KATNAL1: variants seen among roughly 807,000 people sequenced by gnomAD.
KATNAL1 encodes the protein katanin p60 ATPase-containing subunit A-like 1.
KATNAL1 carries 32 observed loss-of-function variants against 55.2 expected under a neutral mutation model. That is an observed-to-expected ratio of 0.58 (90% CI 0.44 to 0.78). The LOEUF (loss-of-function observed/expected upper bound fraction) is 0.78. KATNAL1 is among the 30% of genes least tolerant of loss of function. The pLI is 0.00. For missense variants in KATNAL1, 466 were observed against 600.9 expected, an observed-to-expected ratio of 0.78 and a Z score of 2.35; for synonymous variants, 193 against 193.6, an observed-to-expected ratio of 1.00 and a Z score of 0.02.
chr13:30,209,813 G>A (rs1375083640), intron 10 of KATNAL1, among the ~76,000 whole-genome samples: 3 of 151,734 alleles, frequency 2.0e-5, no homozygotes, highest in African/African-American at 4.8e-5. Flanking sequence ...ACAGAGTCTC[G>A]CTCTGTTGCC....
intron 9 of KATNAL1, among the ~76,000 whole-genome samples, chr13:30,218,581 C>T (rs1874544277): frequency 6.6e-6 from 1 of 152,142 alleles, no homozygotes; most frequent in African/African-American, 2.4e-5. Flanking sequence ...ATTCCCCTCC[C>T]CTTGAATTGG....
chr13:30,300,549 C>G (rs1047054436), intron 1 of KATNAL1, among the ~76,000 whole-genome samples: 10 of 151,938 alleles, frequency 6.6e-5, no homozygotes, highest in Non-Finnish European at 1.5e-4. Context: ...TCCAAATCAC[C>G]GAAGTCCAGT....
intron 1 of KATNAL1, among the ~76,000 whole-genome samples, chr13:30,287,538 G>T (rs1223065607): frequency 2.0e-5 from 3 of 152,158 alleles, no homozygotes; most frequent in Non-Finnish European, 4.4e-5. Context: ...TTTCTTCATA[G>T]CAGCATGAGA....
chr13:30,231,316 T>C lies in KATNAL1; in HGVS notation c.883A>G (p.Met295Val). The C allele has an allele frequency of 6.2e-7, 1 of 1,604,920 alleles. No homozygotes were observed. The highest frequency in any genetic ancestry group is 8.5e-7 in the Non-Finnish European group (1 of 1,175,574). Residue 295 changes from methionine (M) to valine (V), a missense_variant and splice_region_variant, in exon 7 of 11, where the codon ATG becomes GTG. By Grantham distance (21) the Met-to-Val change is conservative. Coordinates refer to ENST00000380615, the MANE Select transcript of KATNAL1 (RefSeq NM_032116.5). ...SEKLVRLLFE[M>V]ARFYAPTTIF... ...AATCTGAATATATCGTCACTCACCATCTCAAACAACAGACGAACTAACTTC... is the reference window on the plus strand; with the variant it reads ...AATCTGAATATATCGTCACTCACCACCTCAAACAACAGACGAACTAACTTC...
intron 9 of KATNAL1, among the ~76,000 whole-genome samples, chr13:30,218,070 T>C (rs1458577376): frequency 2.0e-5 from 3 of 151,656 alleles, no homozygotes; most frequent in African/African-American, 2.4e-5. Flanking sequence ...GTACCACAGA[T>C]AACAACACAG....
chr13:30,299,568 C>A (rs766487709), intron 1 of KATNAL1, among the ~76,000 whole-genome samples: 1 of 152,046 alleles, frequency 6.6e-6, no homozygotes, highest in African/African-American at 2.4e-5. Flanking sequence ...TTTTTTAAAT[C>A]TCCTTTAATA....
intron 6 of KATNAL1, among the ~76,000 whole-genome samples, chr13:30,239,726 G>A (rs1313401964): frequency 8.3e-6 from 1 of 120,724 alleles, no homozygotes; most frequent in Non-Finnish European, 1.6e-5. Flanking sequence ...TCACTCTGTT[G>A]CCAGGCTGGA....
chr13:30,237,410 A>T (rs1876797106), intron 6 of KATNAL1, among the ~76,000 whole-genome samples: 1 of 152,188 alleles, frequency 6.6e-6, no homozygotes, highest in Admixed American at 6.5e-5. Flanking sequence ...TGGATAGATG[A>T]ACAGAGTCTC....
At chr13:30,282,455 T>C (rs1400454810) in intron 2 of KATNAL1, among the ~76,000 whole-genome samples, 3 of 151,806 alleles carry the variant, frequency 2.0e-5, no homozygotes, top group African/African-American at 4.8e-5. Context: ...CTGGGCAACA[T>C]AGCAAGACTC....
chr13:30,290,733 A>G (rs1026561255), intron 1 of KATNAL1, among the ~76,000 whole-genome samples: 2 of 152,184 alleles, frequency 1.3e-5, no homozygotes, highest in Admixed American at 1.3e-4. Flanking sequence ...TAAAATAGAT[A>G]ATGTATTATG....
At chr13:30,244,927 A>C (rs951313740) in intron 4 of KATNAL1, among the ~76,000 whole-genome samples, 2 of 152,146 alleles carry the variant, frequency 1.3e-5, no homozygotes, top group East Asian at 3.9e-4. Context: ...AACCAAAAAA[A>C]AGCCCAGGAC....
At chr13:30,230,630 T>C (rs1566094643) in intron 7 of KATNAL1, 36 bp from the exon 8 acceptor site, 4 of 1,500,284 alleles carry the variant, frequency 2.7e-6, no homozygotes, top group South Asian at 1.2e-5. Flanking sequence ...CATTCAATAA[T>C]CTCATAAAAC....
intron 3 of KATNAL1, among the ~76,000 whole-genome samples, chr13:30,274,882 C>T (rs1366688166): frequency 2.5e-4 from 32 of 129,834 alleles, no homozygotes; most frequent in African/African-American, 9.2e-4. Flanking sequence ...GGGGTGTGTG[C>T]ACACACATAC....
chr13:30,264,825 G>A (rs1879613618), intron 3 of KATNAL1, among the ~76,000 whole-genome samples: 1 of 125,520 alleles, frequency 8.0e-6, no homozygotes, highest in African/African-American at 3.0e-5. Context: ...CGATTCCTCA[G>A]GGATCTAGAA....
chr13:30,261,420 T>A lies in KATNAL1; in HGVS notation c.324-5805A>T, dbSNP rs543327489. 4.6e-5 allele frequency among the ~76,000 whole-genome samples: 7 copies of A among 152,320 alleles called. No individual in the cohort carries two copies. The East Asian group carries it at 1.3e-3, about 29-fold the overall frequency. ...AATGCTCCAGTTAAAAGACACAGAC[T>A]GGCAAATTGGATAGAGTCAAGACCC... On this transcript the variant is annotated intron_variant, in intron 3 of 10. Transcript: ENST00000380615.
intron 9 of KATNAL1, 73 bp downstream of exon 9, chr13:30,227,339 G>A: frequency 7.0e-7 from 1 of 1,425,698 alleles, no homozygotes. Flanking sequence ...GAATGGCAAT[G>A]GAATAAAGAT....
intron 1 of KATNAL1, among the ~76,000 whole-genome samples, chr13:30,289,986 T>C (rs1345014628): frequency 6.6e-6 from 1 of 152,222 alleles, no homozygotes; most frequent in African/African-American, 2.4e-5. Context: ...AATTTCCACA[T>C]GTCACAAAAT....
intron 1 of KATNAL1, among the ~76,000 whole-genome samples, chr13:30,295,914 T>G (rs1337021642): frequency 6.6e-6 from 1 of 151,728 alleles, no homozygotes; most frequent in Non-Finnish European, 1.5e-5. Context: ...ATTTTAAGAA[T>G]TGCCCTGGGC....
At chr13:30,268,280 C>A (rs1488067998) in intron 3 of KATNAL1, among the ~76,000 whole-genome samples, 1 of 152,192 alleles carries the variant, frequency 6.6e-6, no homozygotes, top group Non-Finnish European at 1.5e-5. Flanking sequence ...GAAACATTCT[C>A]AACTTTACCA....
Sources: allele counts gnomAD v4.1 joint callset (sites outside exome capture counted in the v4.1 genomes callset), GRCh38; gene constraint gnomAD v4.1.1; transcripts MANE v1.5; gene names NCBI Gene and HGNC (gene_info 2026-07-23, HGNC 2026-07-21).